The following NDRG1 variants were observed in gnomAD, a reference collection of about 807,000 sequenced individuals.
NDRG1 encodes N-myc downstream regulated 1, also known as protein NDRG1.
A neutral mutation model predicts 56.9 loss-of-function variants in NDRG1; 32 were observed. That is an observed-to-expected ratio of 0.56 (90% CI 0.42 to 0.76). The LOEUF is 0.76. Ranked by LOEUF, NDRG1 falls within the 30% of genes least tolerant of loss-of-function variation. The pLI, the probability that NDRG1 is intolerant of heterozygous loss-of-function variation, is 0.00. For synonymous variants in NDRG1, 211 were observed against 204.1 expected, an observed-to-expected ratio of 1.03 and a Z score of -0.29; for missense variants, 507 against 545.7, an observed-to-expected ratio of 0.93 and a Z score of 0.71.
At chr8:133,278,793 GC>G (rs566017380) in intron 3 of NDRG1, among the ~76,000 whole-genome samples, 14 of 152,138 alleles carry the variant, frequency 9.2e-5, no homozygotes, top group Middle Eastern at 3.4e-3. Flanking sequence ...AGCACTCAGG[GC>G]TGGAAGAGGT....
intron 3 of NDRG1, among the ~76,000 whole-genome samples, chr8:133,266,229 C>G (rs1856913474): frequency 6.6e-6 from 1 of 152,250 alleles, no homozygotes; most frequent in Non-Finnish European, 1.5e-5. Context: ...GACCCGCCCG[C>G]AAGCGGCGCA....
Position 133,237,690 on chromosome 8 carries a change from T to TGGCCCCCCC in NDRG1, c.*1187_*1188insGGGGGGGCC. 4.4e-6 allele frequency: 1 copy of TGGCCCCCCC among 228,690 alleles called. No individual in the cohort carries two copies. The allele number at this position is 228,690 out of a possible 1,614,324, so 14.2% of individuals were successfully genotyped here. On this transcript the variant is annotated 3_prime_UTR_variant, in exon 16 of 16. Transcript: ENST00000323851. ...CTCAGCCACCGCTCCCCACGTGAGT[T>TGGCCCCCCC]CCCACCCCCACCCCGACAAGAGCAA...
At chr8:133,248,371 C>T (rs1244246413) in intron 11 of NDRG1, among the ~76,000 whole-genome samples, 2 of 152,186 alleles carry the variant, frequency 1.3e-5, no homozygotes, top group African/African-American at 4.8e-5. Context: ...GTGTATGGAG[C>T]ACTTTAAGGC....
intron 5 of NDRG1, among the ~76,000 whole-genome samples, chr8:133,259,874 T>A (rs938885988): frequency 3.3e-5 from 5 of 152,214 alleles, no homozygotes; most frequent in Non-Finnish European, 7.3e-5. Context: ...CGTGCTCAGA[T>A]GATCAGGGAG....
intron 13 of NDRG1, 96 bp from the exon 14 acceptor site, chr8:133,244,486 C>T: frequency 7.2e-7 from 1 of 1,386,988 alleles, no homozygotes; most frequent in Non-Finnish European, 1.0e-6. Flanking sequence ...CCGCCCGCTG[C>T]CCTGCCCTGC....
chr8:133,247,237 CCAGT>C (rs1855739296), intron 12 of NDRG1, among the ~76,000 whole-genome samples: 1 of 152,212 alleles, frequency 6.6e-6, no homozygotes, highest in Admixed American at 6.5e-5. Flanking sequence ...ATGATTATCT[CCAGT>C]CAGTCAGCCC....
chr8:133,285,281 C>T (rs1295460568), intron 1 of NDRG1, among the ~76,000 whole-genome samples: 2 of 152,116 alleles, frequency 1.3e-5, no homozygotes, highest in African/African-American at 4.8e-5. Context: ...TGGGGTGAAG[C>T]ATAAAAAATG....
At chr8:133,267,802 C>A (rs1856994728) in intron 3 of NDRG1, among the ~76,000 whole-genome samples, 1 of 152,184 alleles carries the variant, frequency 6.6e-6, no homozygotes, top group Admixed American at 6.5e-5. Context: ...CACCCCTGAG[C>A]TGGGAGGGCC....
In NDRG1 at chr8:133,258,416, T is replaced by C. The variant is rs762263620; in HGVS notation, c.400A>G (p.Ile134Val). 7 of 1,611,078 alleles carry C rather than the reference T, an allele frequency of 4.3e-6. No individual in the cohort carries two copies. Among genetic ancestry groups the C allele is most frequent in the Non-Finnish European group, 5.9e-6 (7 of 1,178,736 alleles). The change falls in exon 7 of 16, where the codon ATT becomes GTT. Residue 134 changes from isoleucine (I) to valine (V), a missense_variant. Physicochemically the swap from Ile to Val is conservative, Grantham distance 29. Coordinates refer to ENST00000323851, the MANE Select transcript of NDRG1 (RefSeq NM_006096.4). The part of the protein sequence containing the change: ...GVLQQFGLKS[I>V]IGMGTGAGAY... The stretch of plus-strand genomic sequence containing the variant: ...CCTGCTCCTGTTCCCATGCCAATAA[T>C]GCTTTTCAGCCTGGAAGCAAAAATA...
intron 15 of NDRG1, chr8:133,241,620 A>C (rs1855386275): frequency 9.6e-6 from 3 of 313,664 alleles, no homozygotes; most frequent in African/African-American, 2.1e-5. Context: ...CAGTGAGATA[A>C]AATAATGTGT....
rs114357170 is a variant in NDRG1, at chr8:133,294,872, T to C, written c.-19+2262A>G. 7.7e-3 allele frequency among the ~76,000 whole-genome samples: 1,170 copies of C among 152,294 alleles called. 11 individuals carry two copies. The highest frequency in any genetic ancestry group is 0.026 in the African/African-American group (1,063 of 41,558). Reference sequence around the variant, plus strand: ...GATGCAATTTCCTTTCGCCCCTCCATAGCAGGCAGGCAAAATCCTGCCAGG... The same window carrying C: ...GATGCAATTTCCTTTCGCCCCTCCACAGCAGGCAGGCAAAATCCTGCCAGG... On this transcript the variant is annotated intron_variant, in intron 1 of 15. Transcript: ENST00000323851.
intron 12 of NDRG1, 21 bp from the exon 13 acceptor site, chr8:133,246,684 C>A (rs2130685208): frequency 6.2e-7 from 1 of 1,613,870 alleles, no homozygotes; most frequent in African/African-American, 1.3e-5. Context: ...GGGAGGAAAT[C>A]TGTTAATTTT....
rs377159956 is a variant in NDRG1, at chr8:133,254,037, A to C, written c.594+502T>G. Among the ~76,000 whole-genome samples, 18 of 151,790 alleles carry C rather than the reference A, an allele frequency of 1.2e-4. 1 individual carries two copies. The highest frequency in any genetic ancestry group is 4.4e-4 in the African/African-American group (18 of 41,226). ...TATTGATCCACTCATTAACATGGAC[A>C]AATCTCAAAATGGTTATGCTGAGGG... On this transcript the variant is annotated intron_variant, in intron 9 of 15. Transcript: ENST00000323851.
intron 5 of NDRG1, chr8:133,259,596 G>T: frequency 2.7e-6 from 1 of 374,356 alleles, no homozygotes; most frequent in Non-Finnish European, 5.1e-6. Flanking sequence ...TGTCCTCACT[G>T]TGTTTGTCTG....
At chr8:133,295,462 C>A (rs1368987850) in intron 1 of NDRG1, among the ~76,000 whole-genome samples, 1 of 152,240 alleles carries the variant, frequency 6.6e-6, no homozygotes, top group Non-Finnish European at 1.5e-5. Flanking sequence ...CACTGTGCCA[C>A]CCCAGCCTGG....
In NDRG1 at chr8:133,263,846, G is replaced by A. The variant is rs536867592; in HGVS notation, c.205+701C>T. Among the ~76,000 whole-genome samples, 20 of 151,076 alleles carry A rather than the reference G, an allele frequency of 1.3e-4. 1 individual carries two copies. The East Asian group carries it at 3.9e-3, about 29-fold the overall frequency. On this transcript the variant is annotated intron_variant, in intron 4 of 15. Coordinates refer to ENST00000323851, the MANE Select transcript of NDRG1 (RefSeq NM_006096.4). ...CAAAAGAATTGCTTGAACCCAGTAG[G>A]TGGAGATTGCAGTGAGCCACGATCG...
chr8:133,284,621 T>G, intron 1 of NDRG1: 1 of 482,388 alleles, frequency 2.1e-6, no homozygotes, highest in East Asian at 4.2e-5. Flanking sequence ...CAGGTCCCCA[T>G]ACCAAGTTCA....
At chr8:133,281,075 G>C (rs1039987894) in intron 2 of NDRG1, 2 of 152,260 alleles carry the variant, frequency 1.3e-5, no homozygotes, top group African/African-American at 4.8e-5. Flanking sequence ...CTGAGTTTCA[G>C]GCTGGGTGCT....
rs71526282 is a variant in NDRG1, at chr8:133,290,445, C to A, written c.-18-6116G>T. Among the ~76,000 whole-genome samples the A allele has an allele frequency of 3.3e-5, 5 of 152,198 alleles. No individual in the cohort carries two copies. The East Asian group carries it at 9.6e-4, about 29-fold the overall frequency. On this transcript the variant is annotated intron_variant, in intron 1 of 15. Transcript: ENST00000323851. ...TGCCAGCATGTCACCATTTAACAGA[C>A]GGGGAAACTGAGGCATCAAGAGGTT...
Sources: gnomAD v4.1 joint callset for allele counts (sites outside exome capture counted in the v4.1 genomes callset) on GRCh38, gnomAD v4.1.1 for gene constraint, MANE v1.5 for transcripts, NCBI Gene and HGNC (gene_info 2026-07-23, HGNC 2026-07-21) for gene names.